FAT4: variants seen among roughly 807,000 people sequenced by gnomAD.
FAT4 encodes protocadherin Fat 4.
Under a neutral mutation model 303.9 loss-of-function variants are expected in FAT4, and 84 were observed. That is an observed-to-expected ratio of 0.28 (90% confidence interval 0.23 to 0.33). FAT4 has a LOEUF of 0.33. Ranked by LOEUF, FAT4 falls within the 10% of genes least tolerant of loss-of-function variation. The pLI, the probability that FAT4 is intolerant of heterozygous loss-of-function variation, is 1.00. For synonymous variants in FAT4, 2,307 were observed against 2,298.8 expected (o/e 1.00, Z -0.10); for missense variants, 6,005 against 6,146.8 (o/e 0.98, Z 0.77).
intron 8 of FAT4, among the ~76,000 whole-genome samples, chr4:125,434,930 C>T (rs1049249250): frequency 9.9e-5 from 15 of 152,190 alleles, no homozygotes; most frequent in Admixed American, 8.5e-4. Flanking sequence ...CAAGTGAAAG[C>T]TCCCAGAACT....
intron 2 of FAT4, among the ~76,000 whole-genome samples, chr4:125,330,088 A>G (rs1404765872): frequency 6.6e-6 from 1 of 152,128 alleles, no homozygotes; most frequent in African/African-American, 2.4e-5. Context: ...CTTTACCTAC[A>G]CTGGCTTCTT....
At chr4:125,408,869 T>C in intron 5 of FAT4, 75 bp downstream of exon 5, 1 of 804,684 alleles carries the variant, frequency 1.2e-6, no homozygotes, top group Non-Finnish European at 1.8e-6. Flanking sequence ...TTATTTATTG[T>C]GTTGAGCTGT....
intron 2 of FAT4, among the ~76,000 whole-genome samples, chr4:125,334,789 T>C (rs1302245524): frequency 6.6e-6 from 1 of 152,164 alleles, no homozygotes; most frequent in Non-Finnish European, 1.5e-5. Flanking sequence ...ATGGCAATCC[T>C]TTAATTGCAC....
At chr4:125,374,794 C>T (rs538633032) in intron 2 of FAT4, among the ~76,000 whole-genome samples, 1 of 152,216 alleles carries the variant, frequency 6.6e-6, no homozygotes, top group East Asian at 1.9e-4. Flanking sequence ...TCTAGCTAAA[C>T]TCAGATGAAA....
intron 2 of FAT4, among the ~76,000 whole-genome samples, chr4:125,395,129 T>C (rs1382419280): frequency 6.6e-6 from 1 of 152,122 alleles, no homozygotes; most frequent in Admixed American, 6.6e-5. Flanking sequence ...TTATCTATGC[T>C]AATGAGTTCA....
chr4:125,411,719 T>A (rs1734850267), intron 5 of FAT4, among the ~76,000 whole-genome samples: 1 of 147,732 alleles, frequency 6.8e-6, no homozygotes, highest in African/African-American at 2.5e-5. Context: ...TTAAAATATA[T>A]TTTACTATTT....
intron 2 of FAT4, among the ~76,000 whole-genome samples, chr4:125,378,515 C>T (rs1030067800): frequency 3.9e-5 from 6 of 151,984 alleles, no homozygotes; most frequent in African/African-American, 1.4e-4. Flanking sequence ...AGCATGTGTT[C>T]TTATCACAGA....
At position 125,487,617 on chromosome 4, in the gene FAT4, T is replaced by C. The variant is rs1321683709; in HGVS notation, c.13084+11T>C. 1 of 1,583,698 alleles carries C rather than the reference T, an allele frequency of 6.3e-7. No homozygotes were observed. Among genetic ancestry groups the C allele is most frequent in the Middle Eastern group, 1.7e-4 (1 of 5,906 alleles). ...GAGATGCCCAAACAGGTAAATGCCT[T>C]TATTAAGTAGAGTCACAAGGGAAGT... On this transcript the variant is annotated intron_variant, in intron 17 of 17. Transcript: ENST00000394329.
chr4:125,491,274 G>T lies in FAT4; in HGVS notation c.14458G>T (p.Asp4820Tyr), dbSNP rs745554858. Residue 4820 changes from aspartate (D) to tyrosine (Y), a missense_variant, in exon 18 of 18, where the codon GAC (aspartate) becomes TAC (tyrosine). Coordinates refer to ENST00000394329, the MANE Select transcript of FAT4 (RefSeq NM_001291303.3). ...CCATGGGAGGTCTTCTTCAGAGGAG[G>T]ACTGCAGAAGGCCACTGTCTAGAAC... ...ADHGRSSSEE[D>Y]CRRPLSRTRN... is the part of the protein sequence containing the mutation. The T allele has an allele frequency of 6.2e-7, 1 of 1,613,998 alleles. No homozygotes were observed. Among genetic ancestry groups the T allele is most frequent in the African/African-American group, 1.3e-5 (1 of 74,926 alleles).
At chr4:125,392,889 C>T (rs1392504909) in intron 2 of FAT4, among the ~76,000 whole-genome samples, 1 of 152,148 alleles carries the variant, frequency 6.6e-6, no homozygotes, top group African/African-American at 2.4e-5. Flanking sequence ...TGGCTGTCTC[C>T]ACTACTCTGG....
chr4:125,419,235 G>A (rs997203811), intron 7 of FAT4, among the ~76,000 whole-genome samples: 31 of 152,168 alleles, frequency 2.0e-4, no homozygotes, highest in African/African-American at 7.0e-4. Context: ...TTCAAGCTTA[G>A]TAAGGCCAAA....
In FAT4 at chr4:125,451,491, G is replaced by A; in HGVS notation, c.10481G>A (p.Gly3494Asp). ...AVDSGTPSATGSASLLVTLED... is the reference protein window; with the variant it reads ...AVDSGTPSATDSASLLVTLED... ...GATTCAGGGACCCCCTCAGCTACAG[G>A]TAGTGCCTCTTTATTAGTCACCCTG... The change falls in exon 10 of 18, where the codon GGT (glycine) becomes GAT (aspartate). Residue 3494 changes from glycine (G) to aspartate (D), a missense_variant. Coordinates refer to ENST00000394329, the MANE Select transcript of FAT4 (RefSeq NM_001291303.3). 6.2e-7 allele frequency: 1 copy of A among 1,614,076 alleles called. No individual in the cohort carries two copies. Among genetic ancestry groups the A allele is most frequent in the Non-Finnish European group, 8.5e-7 (1 of 1,180,002 alleles).
chr4:125,491,631 G>T lies in FAT4; in HGVS notation c.14815G>T (p.Gly4939Cys), dbSNP rs778778303. Residue 4939 changes from glycine to cysteine, a missense_variant, in exon 18 of 18, where the codon GGC becomes TGC. Coordinates refer to ENST00000394329, the MANE Select transcript of FAT4 (RefSeq NM_001291303.3). ...TFNWDNLLNW[G>C]PGFGHYVDVF... ...CAACTGGGACAACCTTTTGAACTGG[G>T]GCCCTGGCTTTGGCCATTATGTAGA... 7 of 1,614,044 alleles carry T rather than the reference G, an allele frequency of 4.3e-6. No individual in the cohort carries two copies. In the Admixed American group the frequency reaches 1.0e-4, roughly 23 times the overall value.
chr4:125,348,766 C>T (rs1232516621), intron 2 of FAT4, among the ~76,000 whole-genome samples: 1 of 151,640 alleles, frequency 6.6e-6, no homozygotes, highest in Non-Finnish European at 1.5e-5. Context: ...TCGAAGCCGA[C>T]ATCTTTTTCC....
chr4:125,361,768 G>C (rs1560778872), intron 2 of FAT4, among the ~76,000 whole-genome samples: 1 of 152,098 alleles, frequency 6.6e-6, no homozygotes, highest in African/African-American at 2.4e-5. Flanking sequence ...TTTATTACCT[G>C]CAACCGTTCT....
intron 2 of FAT4, among the ~76,000 whole-genome samples, chr4:125,337,714 TA>T (rs1731628206): frequency 1.3e-5 from 2 of 152,114 alleles, no homozygotes; most frequent in South Asian, 2.1e-4. Flanking sequence ...TTATTACATA[TA>T]AAATTTTCCT....
Position 125,475,350 on chromosome 4 carries a change from T to C in FAT4, c.12214-821T>C, listed in dbSNP as rs1015853301. Reference sequence around the variant, plus strand: ...TGCTGGTACTCATTATACAGGACTCTGACTTGTATGGTTATCATGTTCTGA... The same window carrying C: ...TGCTGGTACTCATTATACAGGACTCCGACTTGTATGGTTATCATGTTCTGA... On this transcript the variant is annotated intron_variant, in intron 12 of 17. Coordinates refer to ENST00000394329, the MANE Select transcript of FAT4 (RefSeq NM_001291303.3). Among the ~76,000 whole-genome samples, 8 of 152,246 alleles carry C rather than the reference T, an allele frequency of 5.3e-5. No homozygotes were observed. The East Asian group carries it at 1.5e-3, about 29-fold the overall frequency.
chr4:125,425,890 A>T (rs1254534245), intron 7 of FAT4, among the ~76,000 whole-genome samples: 1 of 152,134 alleles, frequency 6.6e-6, no homozygotes, highest in Non-Finnish European at 1.5e-5. Flanking sequence ...TTCAGGGAAC[A>T]GTTCAGTTAT....
intron 2 of FAT4, among the ~76,000 whole-genome samples, chr4:125,359,284 C>T (rs544682500): frequency 1.3e-5 from 2 of 152,228 alleles, no homozygotes; most frequent in East Asian, 3.9e-4. Flanking sequence ...AAAAAATCTT[C>T]TTACTCTGGA....
Sources: allele counts gnomAD v4.1 joint callset (sites outside exome capture counted in the v4.1 genomes callset), GRCh38; gene constraint gnomAD v4.1.1; transcripts MANE v1.5; gene names NCBI Gene and HGNC (gene_info 2026-07-23, HGNC 2026-07-21).